PRDM1: variants seen among roughly 807,000 people sequenced by gnomAD.
PRDM1 encodes PR domain zinc finger protein 1.
Under a neutral mutation model 62.8 loss-of-function variants are expected in PRDM1, and 13 were observed. That is an observed-to-expected ratio of 0.21 (90% CI 0.13 to 0.33). PRDM1 has a LOEUF of 0.33. PRDM1 is among the 10% of genes least tolerant of loss of function. The probability of loss-of-function intolerance (pLI) is 1.00; values close to 1 mark genes in which losing one functional copy is unlikely to be tolerated. For synonymous variants in PRDM1, 396 were observed against 417.6 expected (o/e 0.95, Z 0.63); for missense variants, 895 against 1,058.8 (o/e 0.85, Z 2.15).
At chr6:106,009,687 C>A (rs572540632) in intron 1 of PRDM1, among the ~76,000 whole-genome samples, 1 of 152,196 alleles carries the variant, frequency 6.6e-6, no homozygotes, top group East Asian at 1.9e-4. Flanking sequence ...TTTTGAGCAT[C>A]CAACCTGAGT....
At chr6:106,012,233 T>C (rs1272698512) in intron 1 of PRDM1, among the ~76,000 whole-genome samples, 161 of 47,074 alleles carry the variant, frequency 3.4e-3, no homozygotes, top group African/African-American at 4.5e-3. Flanking sequence ...ACACACACCA[T>C]TCACACAAAC....
intron 3 of PRDM1, chr6:106,098,104 C>A: frequency 1.7e-6 from 1 of 599,752 alleles, no homozygotes. Context: ...CTAGCATAGT[C>A]GGTACGTGAG....
At chr6:106,103,868 T>C (rs975733657) in intron 4 of PRDM1, among the ~76,000 whole-genome samples, 2 of 152,218 alleles carry the variant, frequency 1.3e-5, no homozygotes, top group East Asian at 3.8e-4. Flanking sequence ...CTGTCACGCC[T>C]TGTGACTCCA....
intron 1 of PRDM1, among the ~76,000 whole-genome samples, chr6:106,052,093 T>C (rs552683233): frequency 6.6e-6 from 1 of 152,312 alleles, no homozygotes; most frequent in East Asian, 1.9e-4. Context: ...TGGAGATGGA[T>C]ACTGATGATG....
At chr6:106,047,522 T>G (rs1053257731), upstream of PRDM1, among the ~76,000 whole-genome samples, 2 of 152,226 alleles carry the variant, frequency 1.3e-5, no homozygotes, top group African/African-American at 4.8e-5. Flanking sequence ...AAGAATAGGA[T>G]GTAAAAAGCT....
At position 106,026,526 on chromosome 6, in the gene PRDM1, G is replaced by A. The variant is rs1423563804; in HGVS notation, c.-67+32887G>A. Among the ~76,000 whole-genome samples, 11 of 151,992 alleles carry A rather than the reference G, an allele frequency of 7.2e-5. No homozygotes were observed. In the South Asian group the frequency reaches 1.9e-3, roughly 26 times the overall value. On this transcript the variant is annotated intron_variant, in intron 1 of 6. Coordinates refer to the PRDM1 transcript ENST00000652320. ...TAATAATAAAATAAAATAAAGAGCC[G>A]AAAACTGAACAATGTTTTCGTCTGG...
rs142773219 is a variant in PRDM1, at chr6:106,052,530, T to A, written c.-67+3816T>A. 5.1e-4 allele frequency among the ~76,000 whole-genome samples: 78 copies of A among 152,284 alleles called. No homozygotes were observed. The East Asian group carries it at 0.014, about 28-fold the overall frequency. On this transcript the variant is annotated intron_variant, in intron 1 of 6. Coordinates refer to the PRDM1 transcript ENST00000651185. ...TATCTTACCTTATCCGATTGTGGCA[T>A]AGGAAAATATCTAGCGTATTAAATT... is the stretch of plus-strand genomic sequence containing the variant.
intron 1 of PRDM1, among the ~76,000 whole-genome samples, chr6:106,049,257 T>C (rs1773132927): frequency 6.6e-6 from 1 of 152,234 alleles, no homozygotes. Context: ...GCCAATTATG[T>C]TACCTCTCCT....
At chr6:106,095,499 C>A in intron 2 of PRDM1, 116 bp from the exon 3 acceptor site, 3 of 1,219,384 alleles carry the variant, frequency 2.5e-6, no homozygotes, top group South Asian at 1.5e-5. Context: ...GTTTACTTAT[C>A]AAAATTTTAT....
At chr6:106,055,261 A>C (rs2114587566) in intron 1 of PRDM1, among the ~76,000 whole-genome samples, 1 of 152,378 alleles carries the variant, frequency 6.6e-6, no homozygotes, top group African/African-American at 2.4e-5. Flanking sequence ...AGCAAAAAGT[A>C]GAGTTGGCTT....
chr6:106,096,126 G>T, intron 3 of PRDM1: 1 of 164,966 alleles, frequency 6.1e-6, no homozygotes, highest in Non-Finnish European at 1.3e-5. Context: ...TTGAATGGAA[G>T]AGTTATCACA....
At position 106,105,244 on chromosome 6, in the gene PRDM1, C is replaced by G. The variant is rs758582260; in HGVS notation, c.1084C>G (p.Pro362Ala). 39 of 1,613,824 alleles carry G rather than the reference C, an allele frequency of 2.4e-5. No individual in the cohort carries two copies. The highest frequency in any genetic ancestry group is 2.3e-4 in the South Asian group (21 of 91,082). ...CAGCAGCCCTGGGAATACGGTGTCCCCTGTGGGCCCCGGCTCTCAAGAGCA... is the reference window on the plus strand; with the variant it reads ...CAGCAGCCCTGGGAATACGGTGTCCGCTGTGGGCCCCGGCTCTCAAGAGCA... ...PHSSPGNTVSPVGPGSQEHRD... is the reference protein window; with the variant it reads ...PHSSPGNTVSAVGPGSQEHRD... The change falls in exon 5 of 7, where the codon CCT becomes GCT. Residue 362 changes from proline to alanine, a missense_variant. By Grantham distance (27) the Pro-to-Ala change is conservative. Coordinates refer to ENST00000369096, the MANE Select transcript of PRDM1 (RefSeq NM_001198.4).
intron 1 of PRDM1, among the ~76,000 whole-genome samples, chr6:106,050,231 G>A (rs1439127037): frequency 6.6e-6 from 1 of 152,136 alleles, no homozygotes; most frequent in Non-Finnish European, 1.5e-5. Flanking sequence ...TACTCTGTTT[G>A]TTAGTGTTAC....
At chr6:106,004,906 T>C (rs1772466144) in intron 1 of PRDM1, among the ~76,000 whole-genome samples, 1 of 152,190 alleles carries the variant, frequency 6.6e-6, no homozygotes, top group Non-Finnish European at 1.5e-5. Context: ...GATATATTTG[T>C]GGAAAGGGGA....
chr6:106,010,413 C>A (rs1772531691), intron 1 of PRDM1, among the ~76,000 whole-genome samples: 1 of 152,082 alleles, frequency 6.6e-6, no homozygotes, highest in Admixed American at 6.5e-5. Context: ...ATCAGCTCAA[C>A]TTTTTTGACT....
At position 106,106,575 on chromosome 6, in the gene PRDM1, A is replaced by C; in HGVS notation, c.1902+76A>C. On this transcript the variant is annotated intron_variant, in intron 6 of 6. Transcript: ENST00000369096. The surrounding 1 kb of genome is among the most constrained non-coding windows in gnomAD (Gnocchi z 4.4). Reference sequence around the variant, plus strand: ...TGAGTCACCCTCCCATGTCCTATATAGCCCGTAGTTAAAGCCAACACCAGA... The same window carrying C: ...TGAGTCACCCTCCCATGTCCTATATCGCCCGTAGTTAAAGCCAACACCAGA... The C allele has an allele frequency of 1.3e-6, 2 of 1,579,224 alleles. No homozygotes were observed.
intron 2 of PRDM1, 147 bp from the exon 3 acceptor site, chr6:106,095,468 A>G (rs1205066004): frequency 2.4e-6 from 2 of 830,246 alleles, no homozygotes; most frequent in Non-Finnish European, 3.6e-6. Flanking sequence ...CTTGTTAATT[A>G]TGTAGGCATC....
chr6:106,092,984 C>A (rs1025614288), intron 2 of PRDM1, among the ~76,000 whole-genome samples: 7 of 152,148 alleles, frequency 4.6e-5, no homozygotes, highest in African/African-American at 1.7e-4. Flanking sequence ...GCGCTCTGTC[C>A]CTTTCCTAAT....
chr6:106,016,796 C>T (rs192591307), intron 1 of PRDM1, among the ~76,000 whole-genome samples: 281 of 151,938 alleles, frequency 1.8e-3, no homozygotes, highest in Non-Finnish European at 3.6e-3. Context: ...AACAGGTGTG[C>T]GCCACCATGC....
Sources: gnomAD v4.1 joint callset for allele counts (sites outside exome capture counted in the v4.1 genomes callset) on GRCh38, gnomAD v4.1.1 for gene constraint, Gnocchi (gnomAD v3.1) non-coding constraint, MANE v1.5 for transcripts, NCBI Gene and HGNC (gene_info 2026-07-23, HGNC 2026-07-21) for gene names.